Variants in PI4KA observed in about 807,000 individuals in gnomAD.
PI4KA encodes the protein phosphatidylinositol 4-kinase alpha.
Under a neutral mutation model 271.4 loss-of-function variants are expected in PI4KA, and 122 were observed. That is an observed-to-expected ratio of 0.45 (90% CI 0.39 to 0.52). The LOEUF (loss-of-function observed/expected upper bound fraction) is 0.52, where lower values mean the gene tolerates loss of function less well. Ranked by LOEUF, PI4KA falls within the 20% of genes least tolerant of loss-of-function variation. PI4KA has a pLI of 0.00. For synonymous variants in PI4KA, 1,041 were observed against 1,078.8 expected, an observed-to-expected ratio of 0.96 and a Z score of 0.69; for missense variants, 1,969 against 2,769.1, an observed-to-expected ratio of 0.71 and a Z score of 6.48.
chr22:20,730,458 A>G (rs886982225), intron 36 of PI4KA, among the ~76,000 whole-genome samples: 3 of 152,074 alleles, frequency 2.0e-5, no homozygotes, highest in Non-Finnish European at 2.9e-5. Context: ...TATTTTTAGT[A>G]GAGACAAGGT....
chr22:20,728,022 G>C (rs903568631), intron 39 of PI4KA, among the ~76,000 whole-genome samples, 158 bp from the exon 40 acceptor site: 2 of 152,058 alleles, frequency 1.3e-5, no homozygotes, highest in East Asian at 3.9e-4. Flanking sequence ...AAAGAATGAA[G>C]ACCTGCTATT....
chr22:20,846,263 C>CAAAAAAAAAAA (rs361641), intron 1 of PI4KA, among the ~76,000 whole-genome samples: 9 of 82,078 alleles, frequency 1.1e-4, no homozygotes, highest in Admixed American at 4.3e-4. Context: ...GACTCTATCT[C>CAAAAAAAAAAA]AAAAAAAAAA....
intron 3 of PI4KA, among the ~76,000 whole-genome samples, chr22:20,828,871 T>C (rs1923790004): frequency 6.6e-6 from 1 of 152,172 alleles, no homozygotes; most frequent in South Asian, 2.1e-4. Context: ...ATTTTTAACA[T>C]GAAGGGATAT....
At chr22:20,800,699 A>G (rs1351298009) in intron 14 of PI4KA, among the ~76,000 whole-genome samples, 1 of 79,942 alleles carries the variant, frequency 1.3e-5, no homozygotes, top group Non-Finnish European at 2.9e-5. Context: ...CATCTCTACT[A>G]AAAAAAAAAA....
At chr22:20,812,551 T>C (rs546960007) in intron 8 of PI4KA, among the ~76,000 whole-genome samples, 1 of 152,220 alleles carries the variant, frequency 6.6e-6, no homozygotes, top group Admixed American at 6.5e-5. Context: ...GGCCCCTGGA[T>C]CTTTATTTTG....
chr22:20,765,283 C>T, intron 20 of PI4KA, 47 bp from the exon 21 acceptor site: 2 of 1,552,880 alleles, frequency 1.3e-6, no homozygotes, highest in Non-Finnish European at 1.7e-6. Flanking sequence ...GGTCGGAAAG[C>T]ACTGCAGTGA....
rs1466345824 is a variant in PI4KA, at chr22:20,751,773, T to A, written c.2988-18A>T. ...GGGGAAACCTGCACCAAGAGCCAGC[T>A]CTCAGGACCAAGAGCCAAACCTCCA... On this transcript the variant is annotated intron_variant, in intron 25 of 54. Coordinates refer to ENST00000255882, the MANE Select transcript of PI4KA (RefSeq NM_058004.4). The A allele has an allele frequency of 6.2e-7, 1 of 1,611,182 alleles. No individual in the cohort carries two copies. The highest frequency in any genetic ancestry group is 8.5e-7 in the Non-Finnish European group (1 of 1,177,548).
At chr22:20,763,500 C>T (rs1344764138) in intron 22 of PI4KA, among the ~76,000 whole-genome samples, 4 of 150,458 alleles carry the variant, frequency 2.7e-5, no homozygotes, top group South Asian at 4.2e-4. Context: ...AGTGCAGTGG[C>T]GCGATCTCAG....
intron 19 of PI4KA, among the ~76,000 whole-genome samples, chr22:20,786,492 A>G (rs561097135): frequency 6.6e-6 from 1 of 152,288 alleles, no homozygotes; most frequent in African/African-American, 2.4e-5. Context: ...CGCACTATAC[A>G]CATACTTAAC....
Position 20,858,529 on chromosome 22 carries a change from C to T in PI4KA, c.156+41G>A, listed in dbSNP as rs1215602547. On this transcript the variant is annotated intron_variant, in intron 1 of 54. Coordinates refer to ENST00000255882, the MANE Select transcript of PI4KA (RefSeq NM_058004.4). Reference sequence around the variant, plus strand: ...CGCCTCCACGCTTCGTCACCCCAGCCCCTCCTCCTGTCAGCCCGCGGCCCA... The same window carrying T: ...CGCCTCCACGCTTCGTCACCCCAGCTCCTCCTCCTGTCAGCCCGCGGCCCA... 3.8e-6 allele frequency: 5 copies of T among 1,313,106 alleles called. No individual in the cohort carries two copies. The African/African-American group carries it at 7.6e-5, about 20-fold the overall frequency. The allele number at this position is 1,313,106 out of a possible 1,614,324, so 81.3% of individuals were successfully genotyped here.
intron 19 of PI4KA, among the ~76,000 whole-genome samples, chr22:20,768,950 C>T (rs1932758445): frequency 6.6e-6 from 1 of 152,150 alleles, no homozygotes. Context: ...CTGACTGTCT[C>T]TGAAGTGACC....
chr22:20,725,700 G>T, intron 42 of PI4KA: 1 of 305,530 alleles, frequency 3.3e-6, no homozygotes, highest in Middle Eastern at 5.1e-4. Context: ...TTTGAGACCA[G>T]CCTGGGACAA....
At chr22:20,817,611 A>G (rs1007214424) in intron 7 of PI4KA, among the ~76,000 whole-genome samples, 9 of 150,752 alleles carry the variant, frequency 6.0e-5, no homozygotes, top group Non-Finnish European at 1.0e-4. Flanking sequence ...GAGGGTGCCT[A>G]TAGTCCTAGC....
chr22:20,840,608 A>G (rs1569091719), intron 1 of PI4KA, among the ~76,000 whole-genome samples: 2 of 152,246 alleles, frequency 1.3e-5, no homozygotes, highest in Non-Finnish European at 2.9e-5. Context: ...GGTAGCAATC[A>G]ACGAGTAGAG....
In PI4KA at chr22:20,813,374, C is replaced by G; in HGVS notation, c.989G>C (p.Arg330Pro). Residue 330 changes from arginine (R) to proline (P), a missense_variant, in exon 8 of 55, where the codon CGG becomes CCG. Transcript: ENST00000255882. ...KEFNIPLEML[R>P]ELLNLVKKIV... The stretch of plus-strand genomic sequence containing the variant: ...TTTGCTTACCAGGTTTAAGAGTTCC[C>G]GAAGCATTTCCAATGGAATGTTAAA... The G allele has an allele frequency of 6.2e-7, 1 of 1,613,570 alleles. No homozygotes were observed. The highest frequency in any genetic ancestry group is 1.1e-5 in the South Asian group (1 of 91,068).
intron 3 of PI4KA, among the ~76,000 whole-genome samples, chr22:20,827,540 T>C (rs1293273853): frequency 6.6e-6 from 1 of 152,194 alleles, no homozygotes; most frequent in Non-Finnish European, 1.5e-5. Context: ...AGGCTCTTTT[T>C]TGGTTCCATA....
chr22:20,744,365 A>G (rs1052846690), intron 30 of PI4KA, among the ~76,000 whole-genome samples: 3 of 152,256 alleles, frequency 2.0e-5, no homozygotes, highest in Admixed American at 6.5e-5. Flanking sequence ...GCTGTAAAAA[A>G]AAGCCAAAAA....
chr22:20,817,949 A>G (rs1922063122), intron 7 of PI4KA, among the ~76,000 whole-genome samples: 1 of 151,730 alleles, frequency 6.6e-6, no homozygotes, highest in Admixed American at 6.6e-5. Context: ...CCATGGTGAA[A>G]CCCTGTCTCT....
In PI4KA at chr22:20,716,270, T is replaced by C. The variant is rs541594809; in HGVS notation, c.5317+1438A>G. The stretch of plus-strand genomic sequence containing the variant: ...TTTCACCGTGTTAGCCAGGATGGTC[T>C]TGATCTCCTGACCTCAGGTGATCCA... On this transcript the variant is annotated intron_variant, in intron 45 of 54. Coordinates refer to ENST00000255882, the MANE Select transcript of PI4KA (RefSeq NM_058004.4). Among the ~76,000 whole-genome samples the C allele has an allele frequency of 4.1e-3, 623 of 152,336 alleles. 2 individuals carry two copies. Among genetic ancestry groups the C allele is most frequent in the African/African-American group, 0.014 (591 of 41,580 alleles).
Sources: allele counts gnomAD v4.1 joint callset (sites outside exome capture counted in the v4.1 genomes callset), GRCh38; gene constraint gnomAD v4.1.1; transcripts MANE v1.5; gene names NCBI Gene and HGNC (gene_info 2026-07-23, HGNC 2026-07-21).